ARB2A: variants seen among roughly 807,000 people sequenced by gnomAD.
ARB2A encodes the protein cotranscriptional regulator ARB2A.
At chr5:93,763,116 G>T in the ARB2A span, among the ~76,000 whole-genome samples, 48 of 152,122 alleles carry the variant, frequency 3.2e-4, no homozygotes, top group Non-Finnish European at 4.7e-4. Context: ...AGACCATCGA[G>T]ACTAGGAAGA....
chr5:93,676,406 T>A, the ARB2A span, among the ~76,000 whole-genome samples: 14 of 152,354 alleles, frequency 9.2e-5, no homozygotes, highest in East Asian at 1.2e-3. Context: ...TAAAGCAAAC[T>A]GGCACCACAT....
chr5:93,840,635 C>T, the ARB2A span, among the ~76,000 whole-genome samples: 3 of 152,160 alleles, frequency 2.0e-5, no homozygotes, highest in South Asian at 2.1e-4. Flanking sequence ...TCTATTCTTA[C>T]TACCCTAACA....
At chr5:93,972,778 A>G in the ARB2A span, among the ~76,000 whole-genome samples, 1 of 152,162 alleles carries the variant, frequency 6.6e-6, no homozygotes, top group African/African-American at 2.4e-5. Flanking sequence ...CTGGTATTGA[A>G]AAATTCACTA....
the ARB2A span, among the ~76,000 whole-genome samples, chr5:93,889,905 A>G: frequency 6.6e-5 from 10 of 151,920 alleles, no homozygotes; most frequent in Admixed American, 6.6e-4. Context: ...TCTTTCAAAG[A>G]GACAAGATAC....
At chr5:93,707,857 G>A in the ARB2A span, among the ~76,000 whole-genome samples, 1 of 152,152 alleles carries the variant, frequency 6.6e-6, no homozygotes, top group South Asian at 2.1e-4. Flanking sequence ...TTACAGGGAT[G>A]AGCCACCGCG....
At chr5:93,807,764 T>C in the ARB2A span, among the ~76,000 whole-genome samples, 1 of 151,998 alleles carries the variant, frequency 6.6e-6, no homozygotes, top group East Asian at 1.9e-4. Flanking sequence ...ACGTAGCTTT[T>C]TCAAATATAA....
the ARB2A span, among the ~76,000 whole-genome samples, chr5:93,652,067 T>C: frequency 5.3e-5 from 8 of 152,162 alleles, no homozygotes; most frequent in African/African-American, 1.9e-4. Context: ...AGCATATTGG[T>C]AGACACAAAT....
At chr5:94,100,746 T>C in the ARB2A span, among the ~76,000 whole-genome samples, 31 of 152,280 alleles carry the variant, frequency 2.0e-4, no homozygotes, top group African/African-American at 4.8e-4. Context: ...TGCAGAAGAC[T>C]GAATCTGGAC....
chr5:94,088,749 T>C, the ARB2A span, among the ~76,000 whole-genome samples: 1 of 152,222 alleles, frequency 6.6e-6, no homozygotes, highest in Admixed American at 6.5e-5. Flanking sequence ...CACTTTTCTT[T>C]GGCATATTTC....
chr5:93,832,815 G>C, the ARB2A span, among the ~76,000 whole-genome samples: 5 of 151,986 alleles, frequency 3.3e-5, no homozygotes, highest in East Asian at 9.7e-4. Context: ...CAATCTTCCT[G>C]CATGTAAACT....
the ARB2A span, among the ~76,000 whole-genome samples, chr5:93,874,483 CAG>C: frequency 6.6e-6 from 1 of 152,140 alleles, no homozygotes; most frequent in South Asian, 2.1e-4. Context: ...GGCATGCTGA[CAG>C]AGGGGACAGA....
At chr5:94,108,723 G>C in the ARB2A span, among the ~76,000 whole-genome samples, 1 of 152,086 alleles carries the variant, frequency 6.6e-6, no homozygotes, top group East Asian at 1.9e-4. Context: ...AATGTGTTTG[G>C]CAAGGATGTG....
At chr5:94,006,288 C>T in the ARB2A span, among the ~76,000 whole-genome samples, 7 of 152,170 alleles carry the variant, frequency 4.6e-5, no homozygotes. Context: ...GTTACACACT[C>T]ACTCCATAAC....
chr5:93,864,874 G>C, the ARB2A span, among the ~76,000 whole-genome samples: 2 of 152,138 alleles, frequency 1.3e-5, no homozygotes, highest in African/African-American at 4.8e-5. Context: ...TATGAATATC[G>C]TAGCCTCCCT....
chr5:94,025,503 G>A, the ARB2A span, among the ~76,000 whole-genome samples: 1 of 152,150 alleles, frequency 6.6e-6, no homozygotes, highest in Non-Finnish European at 1.5e-5. Flanking sequence ...TGGAGGTTAA[G>A]GCTTCAACAT....
At chr5:93,737,248 G>C in the ARB2A span, 2 of 152,128 alleles carry the variant, frequency 1.3e-5, no homozygotes, top group East Asian at 3.8e-4. Context: ...TGAAAGGCTT[G>C]TACACTGAAA....
the ARB2A span, among the ~76,000 whole-genome samples, chr5:94,024,932 C>G: frequency 6.6e-6 from 1 of 152,024 alleles, no homozygotes; most frequent in Admixed American, 6.6e-5. Flanking sequence ...AAGAGGGAGG[C>G]AAGAGATGAA....
the ARB2A span, among the ~76,000 whole-genome samples, chr5:93,905,153 G>A: frequency 6.6e-6 from 1 of 151,648 alleles, no homozygotes; most frequent in Non-Finnish European, 1.5e-5. Flanking sequence ...ATTTATTTAG[G>A]AGTAAGAAGA....
At chr5:94,041,300 G>GT in the ARB2A span, among the ~76,000 whole-genome samples, 1 of 151,952 alleles carries the variant, frequency 6.6e-6, no homozygotes, top group African/African-American at 2.4e-5. Flanking sequence ...TAGGACACCT[G>GT]TAAGCCCACT....
Sources: allele counts gnomAD v4.1 joint callset (sites outside exome capture counted in the v4.1 genomes callset), GRCh38; gene constraint gnomAD v4.1.1; transcripts MANE v1.5; gene names NCBI Gene and HGNC (gene_info 2026-07-23, HGNC 2026-07-21).